IDO2: variants seen among roughly 807,000 people sequenced by gnomAD.
IDO2 encodes the protein indoleamine 2,3-dioxygenase 2.
A neutral mutation model predicts 45.1 loss-of-function variants in IDO2; 46 were observed. The ratio of observed to expected loss-of-function variants is 1.02; its 90% confidence interval spans 0.80 to 1.30. The LOEUF is 1.30. Among genes scored for constraint, IDO2 ranks in the 50% most tolerant of loss-of-function variants. The pLI is 0.00. For synonymous variants in IDO2, 218 were observed against 184.9 expected (o/e 1.18, Z -1.45); for missense variants, 544 against 491.8 (o/e 1.11, Z -1.00).
intron 2 of IDO2, among the ~76,000 whole-genome samples, chr8:39,956,756 AG>A (rs978025767): frequency 6.9e-6 from 1 of 145,440 alleles, no homozygotes; most frequent in Admixed American, 7.3e-5. Flanking sequence ...TAAGCCTCAT[AG>A]TAGTCTTGGA....
At chr8:39,980,554 T>G (rs533022102) in intron 4 of IDO2, among the ~76,000 whole-genome samples, 1 of 152,282 alleles carries the variant, frequency 6.6e-6, no homozygotes, top group East Asian at 1.9e-4. Context: ...ACTGTTATTT[T>G]TAAAAGTGTG....
chr8:39,950,664 A>T (rs1382445771), intron 2 of IDO2, among the ~76,000 whole-genome samples: 1 of 152,206 alleles, frequency 6.6e-6, no homozygotes, highest in Non-Finnish European at 1.5e-5. Flanking sequence ...CATCTACCCT[A>T]CTGCTGTGTC....
chr8:39,941,588 C>T (rs1232341942), intron 1 of IDO2, among the ~76,000 whole-genome samples: 1 of 151,442 alleles, frequency 6.6e-6, no homozygotes, highest in African/African-American at 2.4e-5. Flanking sequence ...ACCTTGGGAA[C>T]AAGAAAAGTC....
intron 1 of IDO2, among the ~76,000 whole-genome samples, chr8:39,943,411 A>G (rs1272242685): frequency 6.6e-6 from 1 of 151,410 alleles, no homozygotes; most frequent in Non-Finnish European, 1.5e-5. Context: ...TGTAGAAAGA[A>G]TGTTCCTCAA....
intron 4 of IDO2, among the ~76,000 whole-genome samples, chr8:39,981,124 C>T (rs1291080602): frequency 4.7e-5 from 7 of 150,398 alleles, no homozygotes; most frequent in South Asian, 4.2e-4. Flanking sequence ...TGCAGTGGCA[C>T]GATCTTGGCT....
At chr8:39,934,935 C>T (rs1440686338) in exon 1 of IDO2, 4 of 613,508 alleles carry the variant, frequency 6.5e-6, no homozygotes, top group African/African-American at 1.9e-5. Context: ...TGAGTCCATA[C>T]ACACTGGTTT....
chr8:39,966,754 G>C (rs1195850976), intron 3 of IDO2, among the ~76,000 whole-genome samples: 3 of 152,084 alleles, frequency 2.0e-5, no homozygotes, highest in Non-Finnish European at 4.4e-5. Context: ...CAGAACTCTG[G>C]AAATACAATA....
chr8:39,964,970 G>A (rs1442706744), intron 3 of IDO2, among the ~76,000 whole-genome samples: 1 of 152,198 alleles, frequency 6.6e-6, no homozygotes, highest in East Asian at 1.9e-4. Context: ...GAGAAGCAAG[G>A]GAAGCCTGGA....
chr8:40,012,185 C>G (rs182726315), intron 9 of IDO2, among the ~76,000 whole-genome samples: 1 of 151,602 alleles, frequency 6.6e-6, no homozygotes, highest in Non-Finnish European at 1.5e-5. Context: ...TTCTCTTGAG[C>G]AAAATAACTT....
rs373500451 is a variant in IDO2 at position 39,996,694 on chromosome 8, C to T, written c.667+6856C>T. On this transcript the variant is annotated intron_variant, in intron 8 of 10. Coordinates refer to ENST00000502986, the Ensembl canonical transcript of IDO2. ...GGCCCCTACAGCTGGGAATTACAGG[C>T]ATGAGCCACCGCATCCAGCCAGCCT... is the stretch of plus-strand genomic sequence containing the variant. Among the ~76,000 whole-genome samples, 90 of 152,252 alleles carry T rather than the reference C, an allele frequency of 5.9e-4. 1 individual carries two copies. The highest frequency in any genetic ancestry group is 3.4e-3 in the Middle Eastern group (1 of 294).
At chr8:39,968,224 C>A (rs1462169698) in intron 3 of IDO2, among the ~76,000 whole-genome samples, 1 of 152,130 alleles carries the variant, frequency 6.6e-6, no homozygotes, top group African/African-American at 2.4e-5. Flanking sequence ...TGTGCAATGA[C>A]AGGGATGAAC....
At chr8:39,988,781 C>T (rs1808459694) in intron 7 of IDO2, among the ~76,000 whole-genome samples, 1 of 152,148 alleles carries the variant, frequency 6.6e-6, no homozygotes, top group Admixed American at 6.6e-5. Context: ...TGACCCATTT[C>T]TGCTATATTA....
At chr8:39,987,993 C>T (rs1349327419) in intron 7 of IDO2, 23 bp downstream of exon 7, 2 of 1,411,588 alleles carry the variant, frequency 1.4e-6, no homozygotes, top group Middle Eastern at 1.8e-4. Context: ...TTGATAGCAC[C>T]TTTTCTTTTT....
chr8:39,948,272 T>G (rs1411289817), intron 1 of IDO2, among the ~76,000 whole-genome samples: 1 of 152,234 alleles, frequency 6.6e-6, no homozygotes, highest in Non-Finnish European at 1.5e-5. Context: ...AATCCTAGAC[T>G]ATGTTGCTCA....
intron 8 of IDO2, among the ~76,000 whole-genome samples, chr8:39,994,894 A>G (rs184381840): frequency 6.6e-6 from 1 of 152,318 alleles, no homozygotes; most frequent in Admixed American, 6.5e-5. Context: ...AACCAAAGTA[A>G]ATACTAAAAA....
At chr8:39,995,688 T>C (rs1802031978) in intron 8 of IDO2, among the ~76,000 whole-genome samples, 1 of 152,206 alleles carries the variant, frequency 6.6e-6, no homozygotes, top group African/African-American at 2.4e-5. Flanking sequence ...ATGAATATCA[T>C]TCTTCATTAG....
chr8:39,984,053 T>TAATA (rs34351219), intron 5 of IDO2, among the ~76,000 whole-genome samples: 122,642 of 151,812 alleles, frequency 0.81, 50,016 homozygotes, highest in East Asian at 0.92. Flanking sequence ...ATGAAAAAAA[T>TAATA]AATATATGTG....
chr8:39,949,181 C>G (rs1232108602), exon 2 of IDO2: 1 of 1,608,284 alleles, frequency 6.2e-7, no homozygotes, highest in South Asian at 1.1e-5. Flanking sequence ...GCCCCACAGA[C>G]CGAATGTGAA....
chr8:39,966,063 C>A (rs1289820965), intron 3 of IDO2, among the ~76,000 whole-genome samples: 1 of 130,030 alleles, frequency 7.7e-6, no homozygotes, highest in African/African-American at 2.8e-5. Context: ...GAGTCTCACT[C>A]TGTCTCCCAG....
Sources: allele counts gnomAD v4.1 joint callset (sites outside exome capture counted in the v4.1 genomes callset), GRCh38; gene constraint gnomAD v4.1.1; transcripts MANE v1.5; gene names NCBI Gene and HGNC (gene_info 2026-07-23, HGNC 2026-07-21).